The following CWC22 variants were observed in gnomAD, a reference collection of about 807,000 sequenced individuals.
The protein encoded by CWC22 is CWC22 spliceosome associated protein.
In CWC22, 53 loss-of-function variants were observed where a neutral mutation model predicts 117.2. That is an observed-to-expected ratio of 0.45 (90% CI 0.36 to 0.57). CWC22 has a LOEUF of 0.57. Ranked by LOEUF, CWC22 falls within the 20% of genes least tolerant of loss-of-function variation. CWC22 has a pLI of 0.00. For missense variants in CWC22, 980 were observed against 1,068.8 expected, an observed-to-expected ratio of 0.92 and a Z score of 1.16; for synonymous variants, 360 against 355.6, an observed-to-expected ratio of 1.01 and a Z score of -0.14.
At chr2:179,947,048 T>C (rs1378160016) in intron 19 of CWC22, among the ~76,000 whole-genome samples, 2 of 152,202 alleles carry the variant, frequency 1.3e-5, no homozygotes, top group African/African-American at 2.4e-5. Flanking sequence ...AATCAGTTTA[T>C]CTGTTATTTA....
chr2:179,983,758 T>C (rs181447716), intron 4 of CWC22, among the ~76,000 whole-genome samples: 283 of 152,018 alleles, frequency 1.9e-3, no homozygotes, highest in Non-Finnish European at 3.5e-3. Context: ...TGATTTCAAA[T>C]ATCAACCTCA....
chr2:179,970,438 T>A (rs532138685), intron 11 of CWC22, 63 bp downstream of exon 11: 9 of 1,367,910 alleles, frequency 6.6e-6, no homozygotes, highest in Non-Finnish European at 8.0e-6. Context: ...CTATCAGTAT[T>A]ACGTAACTAC....
intron 1 of CWC22, among the ~76,000 whole-genome samples, chr2:179,994,665 T>A (rs1687655301): frequency 6.6e-6 from 1 of 152,204 alleles, no homozygotes; most frequent in South Asian, 2.1e-4. Context: ...CTATAAAATA[T>A]AACTACAATC....
intron 17 of CWC22, among the ~76,000 whole-genome samples, chr2:179,951,130 T>C (rs1325987136): frequency 3.3e-5 from 5 of 152,108 alleles, no homozygotes; most frequent in Non-Finnish European, 7.4e-5. Context: ...AAACTTGATT[T>C]CTATCATTAT....
At chr2:179,969,600 T>C (rs2105526569) in intron 11 of CWC22, among the ~76,000 whole-genome samples, 1 of 152,312 alleles carries the variant, frequency 6.6e-6, no homozygotes, top group Middle Eastern at 3.4e-3. Flanking sequence ...TTTTGCCCAA[T>C]GGTGCTGTTA....
At chr2:179,992,798 T>G (rs1192965927) in intron 2 of CWC22, among the ~76,000 whole-genome samples, 2 of 152,248 alleles carry the variant, frequency 1.3e-5, no homozygotes, top group African/African-American at 2.4e-5. Context: ...GAACTCAATA[T>G]GCATTTGTTA....
intron 13 of CWC22, among the ~76,000 whole-genome samples, chr2:179,959,569 G>T (rs1686693498): frequency 6.6e-6 from 1 of 152,066 alleles, no homozygotes. Flanking sequence ...TTTTTCATGT[G>T]AGAACATCAC....
intron 4 of CWC22, among the ~76,000 whole-genome samples, chr2:179,984,548 G>T (rs113355795): frequency 1.3e-5 from 2 of 151,308 alleles, no homozygotes; most frequent in Admixed American, 6.6e-5. Context: ...AAATTCCTGT[G>T]GGGGGTATAA....
chr2:180,004,752 G>A (rs1389343164), intron 1 of CWC22, among the ~76,000 whole-genome samples: 1 of 148,418 alleles, frequency 6.7e-6, no homozygotes, highest in Non-Finnish European at 1.5e-5. Context: ...AGCTAACAGA[G>A]CTAAGAAAGC....
chr2:180,001,018 AG>A (rs1358064565), intron 1 of CWC22, among the ~76,000 whole-genome samples: 1 of 152,230 alleles, frequency 6.6e-6, no homozygotes, highest in Non-Finnish European at 1.5e-5. Context: ...TTTTACGCAT[AG>A]GAAGATTCCC....
intron 5 of CWC22, among the ~76,000 whole-genome samples, chr2:179,981,155 C>G (rs1575651943): frequency 6.6e-6 from 1 of 152,282 alleles, no homozygotes; most frequent in African/African-American, 2.4e-5. Context: ...CAGAGGTTGG[C>G]AAACTACACC....
At chr2:179,978,434 C>A in intron 5 of CWC22, 116 bp from the exon 6 acceptor site, 3 of 1,124,158 alleles carry the variant, frequency 2.7e-6, no homozygotes, top group Non-Finnish European at 3.5e-6. Context: ...ATGAAACGAC[C>A]CCCAAGTACA....
intron 2 of CWC22, among the ~76,000 whole-genome samples, chr2:179,992,429 C>A (rs569700088): frequency 3.4e-4 from 51 of 152,106 alleles, no homozygotes; most frequent in Admixed American, 1.2e-3. Flanking sequence ...CCCCAGATAT[C>A]GGCATAGTTA....
At chr2:179,983,110 CTTTTA>C (rs1375813804) in intron 4 of CWC22, among the ~76,000 whole-genome samples, 1 of 152,050 alleles carries the variant, frequency 6.6e-6, no homozygotes, top group Non-Finnish European at 1.5e-5. Flanking sequence ...CATTTGTTTA[CTTTTA>C]TTTTAAGTTC....
chr2:179,944,922 C>A lies in CWC22; in HGVS notation c.*207G>T. The A allele has an allele frequency of 2.4e-6, 1 of 412,012 alleles. No homozygotes were observed. The highest frequency in any genetic ancestry group is 4.1e-5 in the Admixed American group (1 of 24,178). The allele number at this position is 412,012 out of a possible 1,614,324, so 25.5% of individuals were successfully genotyped here. ...CACAAAATATAAGCGAGACTTACAT[C>A]CCTTTCTGGTGAAAGTTTTCAAATA... On this transcript the variant is annotated 3_prime_UTR_variant, in exon 20 of 20. Coordinates refer to ENST00000410053, the MANE Select transcript of CWC22 (RefSeq NM_020943.3).
intron 4 of CWC22, among the ~76,000 whole-genome samples, chr2:179,983,563 G>GTGA (rs1274422041): frequency 3.3e-5 from 5 of 152,068 alleles, no homozygotes; most frequent in African/African-American, 1.2e-4. Flanking sequence ...CAATAGTGCT[G>GTGA]TGATAAATAT....
At chr2:179,981,253 A>C (rs1368525181) in intron 5 of CWC22, among the ~76,000 whole-genome samples, 1 of 152,216 alleles carries the variant, frequency 6.6e-6, no homozygotes, top group Non-Finnish European at 1.5e-5. Context: ...CACAATGCCT[A>C]TGACTATTTT....
chr2:179,961,333 A>G (rs1025604318), intron 13 of CWC22, among the ~76,000 whole-genome samples: 1 of 151,978 alleles, frequency 6.6e-6, no homozygotes, highest in Admixed American at 6.6e-5. Flanking sequence ...AGTAATGATT[A>G]TGGACTTAGT....
At chr2:179,987,525 A>G (rs1227984346) in intron 3 of CWC22, among the ~76,000 whole-genome samples, 1 of 151,968 alleles carries the variant, frequency 6.6e-6, no homozygotes, top group African/African-American at 2.4e-5. Context: ...ATATATAGGG[A>G]GTAGACAATC....
Sources: allele counts gnomAD v4.1 joint callset (sites outside exome capture counted in the v4.1 genomes callset), GRCh38; gene constraint gnomAD v4.1.1; transcripts MANE v1.5; gene names NCBI Gene and HGNC (gene_info 2026-07-23, HGNC 2026-07-21).